The following ABCC3 variants were observed in gnomAD, a reference collection of about 807,000 sequenced individuals.
ABCC3 encodes ATP binding cassette subfamily C member 3.
Under a neutral mutation model 165.3 loss-of-function variants are expected in ABCC3, and 121 were observed. The observed-to-expected ratio is 0.73, with a 90% CI of 0.63 to 0.85. The LOEUF (loss-of-function observed/expected upper bound fraction) is 0.85. Ranked by LOEUF, ABCC3 falls within the 40% of genes least tolerant of loss-of-function variation. The pLI is 0.00. For synonymous variants in ABCC3, 733 were observed against 810.1 expected (o/e 0.90, Z 1.62); for missense variants, 1,869 against 1,964.1 (o/e 0.95, Z 0.92).
Position 50,667,287 on chromosome 17 carries a change from G to A in ABCC3, c.1432-267G>A, listed in dbSNP as rs186320147. Reference sequence around the variant, plus strand: ...AGAAGTAGTAGGAGAAGAAACCCAGGGCAGGGGACAGAGGATGCTGCCTGG... The same window carrying A: ...AGAAGTAGTAGGAGAAGAAACCCAGAGCAGGGGACAGAGGATGCTGCCTGG... On this transcript the variant is annotated intron_variant, in intron 11 of 30. Coordinates refer to ENST00000285238, the MANE Select transcript of ABCC3 (RefSeq NM_003786.4). Among the ~76,000 whole-genome samples, 11 of 152,198 alleles carry A rather than the reference G, an allele frequency of 7.2e-5. No homozygotes were observed. In the East Asian group the frequency reaches 1.4e-3, roughly 19 times the overall value.
rs866484476 is a variant in ABCC3, at chr17:50,667,976, C to T, written c.1749C>T (p.Asn583=). The T allele has an allele frequency of 6.2e-7, 1 of 1,614,224 alleles. No homozygotes were observed. The highest frequency in any genetic ancestry group is 8.5e-7 in the Non-Finnish European group (1 of 1,180,034). ...SLFNILRLPL[N]MLPQLISNLT... ...TTAATATCTTAAGACTTCCCCTCAA[C>T]ATGCTGCCCCAGTTAATCAGCAACC... Residue 583 remains asparagine (N), a synonymous_variant, in exon 13 of 31, where the codon AAC becomes AAT. Coordinates refer to ENST00000285238, the MANE Select transcript of ABCC3 (RefSeq NM_003786.4).
chr17:50,653,949 G>A (rs1198390329), intron 1 of ABCC3, among the ~76,000 whole-genome samples: 5 of 152,148 alleles, frequency 3.3e-5, no homozygotes. Context: ...GCAATGATTG[G>A]CTGAGACTCA....
chr17:50,643,237 CA>C (rs1472156313), intron 1 of ABCC3, among the ~76,000 whole-genome samples: 3 of 152,234 alleles, frequency 2.0e-5, no homozygotes, highest in Non-Finnish European at 4.4e-5. Context: ...AGCTTTGGGA[CA>C]GGCTATCTGG....
chr17:50,678,351 G>GA, intron 25 of ABCC3, 132 bp downstream of exon 25: 1 of 871,802 alleles, frequency 1.1e-6, no homozygotes, highest in Non-Finnish European at 1.5e-6. Flanking sequence ...CAAGGACTGT[G>GA]AGAAAAAAAA....
intron 26 of ABCC3, 33 bp downstream of exon 26, chr17:50,679,932 A>G (rs762830557): frequency 5.7e-6 from 9 of 1,569,768 alleles, no homozygotes; most frequent in East Asian, 2.2e-5. Context: ...GACAGGGGGA[A>G]TCTGAAGTAG....
At chr17:50,647,530 T>C (rs1189921184) in intron 1 of ABCC3, among the ~76,000 whole-genome samples, 3 of 152,200 alleles carry the variant, frequency 2.0e-5, no homozygotes, top group Non-Finnish European at 4.4e-5. Flanking sequence ...CAGGACAATC[T>C]GTGAACAATG....
chr17:50,663,564 TGGA>T, intron 8 of ABCC3, 114 bp from the exon 9 acceptor site: 1 of 1,231,858 alleles, frequency 8.1e-7, no homozygotes, highest in South Asian at 1.4e-5. Context: ...TTGGAGGGGG[TGGA>T]GGTTTCAGAG....
At position 50,664,041 on chromosome 17, in the gene ABCC3, T is replaced by G; in HGVS notation, c.1268T>G (p.Leu423Arg). Residue 423 changes from leucine to arginine, a missense_variant, in exon 10 of 31, where the codon CTT becomes CGT. By Grantham distance (102) the Leu-to-Arg change is moderately radical. Transcript: ENST00000285238. ...MSVDAQRFMD[L>R]APFLNLLWSA... ...GTGGATGCCCAGCGCTTCATGGACC[T>G]TGCCCCCTTCCTCAATCTGCTGTGG... 6.2e-7 allele frequency: 1 copy of G among 1,614,222 alleles called. No individual in the cohort carries two copies. Among genetic ancestry groups the G allele is most frequent in the South Asian group, 1.1e-5 (1 of 91,078 alleles).
chr17:50,646,349 T>C (rs569715706), intron 1 of ABCC3, among the ~76,000 whole-genome samples: 2 of 151,326 alleles, frequency 1.3e-5, no homozygotes, highest in African/African-American at 4.9e-5. Flanking sequence ...GGGTCATGGG[T>C]TGGGGGAAGG....
intron 19 of ABCC3, 57 bp downstream of exon 19, chr17:50,673,715 G>A: frequency 6.4e-7 from 1 of 1,573,306 alleles, no homozygotes; most frequent in South Asian, 1.1e-5. Flanking sequence ...CCCCCTGTCT[G>A]GGGTCTCTGA....
intron 1 of ABCC3, among the ~76,000 whole-genome samples, chr17:50,648,019 A>G (rs1039608801): frequency 6.6e-6 from 1 of 152,020 alleles, no homozygotes; most frequent in Non-Finnish European, 1.5e-5. Context: ...AGCCTGGGAG[A>G]CAGAGCAAGA....
rs777303738 is a variant in ABCC3, at chr17:50,667,997, C to A, written c.1770C>A (p.Ser590Arg). Residue 590 changes from serine (S) to arginine (R), a missense_variant, in exon 13 of 31, where the codon AGC becomes AGA. Physicochemically the swap from Ser to Arg is moderately radical, Grantham distance 110 (BLOSUM62 -1). Transcript: ENST00000285238. ...LPLNMLPQLI[S>R]NLTQASVSLK... ...TCAACATGCTGCCCCAGTTAATCAG[C>A]AACCTGACTCAGGTAACCCTGGGTA... 1 of 1,614,068 alleles carries A rather than the reference C, an allele frequency of 6.2e-7. No individual in the cohort carries two copies. Among genetic ancestry groups the A allele is most frequent in the Non-Finnish European group, 8.5e-7 (1 of 1,179,920 alleles).
intron 1 of ABCC3, among the ~76,000 whole-genome samples, chr17:50,639,241 C>G (rs2054205452): frequency 6.6e-6 from 1 of 152,016 alleles, no homozygotes; most frequent in Non-Finnish European, 1.5e-5. Context: ...GCAAGCAAAC[C>G]CAGTGCTGGA....
chr17:50,656,602 G>A, intron 2 of ABCC3, 100 bp from the exon 3 acceptor site: 1 of 1,484,500 alleles, frequency 6.7e-7, no homozygotes, highest in Non-Finnish European at 9.1e-7. Flanking sequence ...TCCCAGGCAG[G>A]TCTAGTGGAT....
intron 11 of ABCC3, 46 bp from the exon 12 acceptor site, chr17:50,667,507 CA>C (rs944629498): frequency 3.2e-6 from 5 of 1,544,064 alleles, no homozygotes; most frequent in East Asian, 2.3e-5. Flanking sequence ...AGCAGGAGGT[CA>C]GGGGAGGGAG....
intron 1 of ABCC3, among the ~76,000 whole-genome samples, chr17:50,647,971 G>A (rs775692557): frequency 2.0e-5 from 3 of 152,176 alleles, no homozygotes; most frequent in East Asian, 1.9e-4. Flanking sequence ...TCCCAGAGGC[G>A]GAGGTTGCTG....
rs1967563301 is a variant in ABCC3 at position 50,667,985 on chromosome 17, C to G, written c.1758C>G (p.Pro586=). ...TAAGACTTCCCCTCAACATGCTGCCCCAGTTAATCAGCAACCTGACTCAGG... is the reference window on the plus strand; with the variant it reads ...TAAGACTTCCCCTCAACATGCTGCCGCAGTTAATCAGCAACCTGACTCAGG... ...NILRLPLNML[P]QLISNLTQAS... is the part of the protein sequence containing the mutation. Residue 586 remains proline (P), a synonymous_variant, in exon 13 of 31, where the codon CCC becomes CCG. Coordinates refer to ENST00000285238, the MANE Select transcript of ABCC3 (RefSeq NM_003786.4). The G allele has an allele frequency of 6.2e-7, 1 of 1,614,044 alleles. No individual in the cohort carries two copies. Among genetic ancestry groups the G allele is most frequent in the South Asian group, 1.1e-5 (1 of 91,076 alleles).
chr17:50,682,381 CCT>C (rs908142046), intron 26 of ABCC3, among the ~76,000 whole-genome samples: 7 of 151,244 alleles, frequency 4.6e-5, no homozygotes, highest in Non-Finnish European at 8.8e-5. Context: ...TCACGTCATT[CCT>C]CTGTGTACAG....
chr17:50,652,964 T>TG (rs1260219304), intron 1 of ABCC3, among the ~76,000 whole-genome samples: 2 of 152,224 alleles, frequency 1.3e-5, no homozygotes, highest in Non-Finnish European at 2.9e-5. Flanking sequence ...CAGTGTGCCC[T>TG]GTCAGGTACC....
Sources: allele counts gnomAD v4.1 joint callset (sites outside exome capture counted in the v4.1 genomes callset), GRCh38; gene constraint gnomAD v4.1.1; transcripts MANE v1.5; gene names NCBI Gene and HGNC (gene_info 2026-07-23, HGNC 2026-07-21).